Variants in SLC16A5 observed in about 807,000 individuals in gnomAD.
SLC16A5 encodes the protein monocarboxylate transporter 6.
In SLC16A5, 29 loss-of-function variants were observed where a neutral mutation model predicts 33.2. The observed-to-expected ratio is 0.87, with a 90% CI of 0.65 to 1.19. The LOEUF is 1.19. Ranked by LOEUF, SLC16A5 falls within the 50% of genes most tolerant of loss-of-function variation. The pLI is 0.00. For missense variants in SLC16A5, 606 were observed against 678.2 expected, an observed-to-expected ratio of 0.89 and a Z score of 1.18; for synonymous variants, 248 against 284.1, an observed-to-expected ratio of 0.87 and a Z score of 1.28.
chr17:75,097,937 C>G, intron 3 of SLC16A5, 101 bp from the exon 4 acceptor site: 1 of 1,400,868 alleles, frequency 7.1e-7, no homozygotes. Flanking sequence ...CCCTTGAAAC[C>G]ACCTGGCTAG....
In SLC16A5 at chr17:75,093,433, G is replaced by A. The variant is rs1339663266; in HGVS notation, c.-48-156G>A. ...AAAGGAGATGCCAAGGCCAACGCGTGGGCCTCTGGCCACCTCCCAGGGGTG... is the reference window on the plus strand; with the variant it reads ...AAAGGAGATGCCAAGGCCAACGCGTAGGCCTCTGGCCACCTCCCAGGGGTG... On this transcript the variant is annotated intron_variant, in intron 2 of 6. Coordinates refer to ENST00000329783, the MANE Select transcript of SLC16A5 (RefSeq NM_004695.4). 4 of 1,535,880 alleles carry A rather than the reference G, an allele frequency of 2.6e-6. No individual in the cohort carries two copies. In the East Asian group the frequency reaches 9.8e-5, roughly 38 times the overall value.
chr17:75,108,519 C>G (rs1428474349), downstream of SLC16A5, among the ~76,000 whole-genome samples: 1 of 152,150 alleles, frequency 6.6e-6, no homozygotes, highest in East Asian at 1.9e-4. Flanking sequence ...AGTGTGACGG[C>G]CACTCTGCCT....
Position 75,098,092 on chromosome 17 carries a change from T to C in SLC16A5, c.254T>C (p.Leu85Pro), listed in dbSNP as rs528355389. The C allele has an allele frequency of 6.2e-7, 1 of 1,609,720 alleles. No homozygotes were observed. The highest frequency in any genetic ancestry group is 1.3e-5 in the African/African-American group (1 of 74,700). The change falls in exon 4 of 7, where the codon CTG (leucine) becomes CCG (proline). Residue 85 changes from leucine to proline, a missense_variant. Transcript: ENST00000329783. ...TTCGGCTGCCGAGTGACCGTGATGC[T>C]GGGGGGCGTGCTGGCCAGCCTGGGC... Reference protein sequence around the residue: ...GRFGCRVTVMLGGVLASLGMV... With the variant: ...GRFGCRVTVMPGGVLASLGMV...
chr17:75,105,834 G>C (rs1229760997), intron 6 of SLC16A5, 46 bp from the exon 7 acceptor site: 1 of 1,512,848 alleles, frequency 6.6e-7, no homozygotes, highest in African/African-American at 1.4e-5. Context: ...GGCTCAACCA[G>C]GCTCCGCAAG....
intron 3 of SLC16A5, 149 bp downstream of exon 3, chr17:75,093,984 C>A: frequency 8.1e-7 from 1 of 1,238,812 alleles, no homozygotes; most frequent in Non-Finnish European, 1.1e-6. Context: ...CACCAGGGGC[C>A]CCTGGCTGGA....
rs950819477 is a variant in SLC16A5, at chr17:75,093,720, G to A, written c.84G>A (p.Leu28=). Residue 28 remains leucine, a synonymous_variant, in exon 3 of 7, where the codon CTG becomes CTA. Coordinates refer to ENST00000329783, the MANE Select transcript of SLC16A5 (RefSeq NM_004695.4). ...LATMVTQGLT[L]GFPTCIGIFF... ...CCATGGTGACCCAGGGCCTCACCCT[G>A]GGCTTCCCCACGTGTATCGGCATCT... 17 of 1,614,048 alleles carry A rather than the reference G, an allele frequency of 1.1e-5. No homozygotes were observed. The highest frequency in any genetic ancestry group is 1.4e-5 in the Non-Finnish European group (17 of 1,180,022).
upstream of SLC16A5, chr17:75,087,599 C>A (rs896124308): frequency 6.6e-6 from 1 of 152,272 alleles, no homozygotes; most frequent in Non-Finnish European, 1.5e-5. Context: ...AGGGAAAACG[C>A]AGAAAGAAGG....
At chr17:75,099,314 A>T (rs966274636) in intron 4 of SLC16A5, among the ~76,000 whole-genome samples, 2 of 152,154 alleles carry the variant, frequency 1.3e-5, no homozygotes, top group African/African-American at 4.8e-5. Context: ...CTGGAGCCGG[A>T]CCACAGAGAG....
Position 75,100,271 on chromosome 17 carries a change from G to GTCCCC in SLC16A5, c.609_613dup (p.Pro205LeufsTer43). 6.2e-7 allele frequency: 1 copy of GTCCCC among 1,614,196 alleles called. No homozygotes were observed. The highest frequency in any genetic ancestry group is 8.5e-7 in the Non-Finnish European group (1 of 1,180,028). ...AGTGTGGCCCCTGAGACCAAAGAATGTCCCCCGCCACCTCCCGAGACACCT... is the reference window on the plus strand; with the variant it reads ...AGTGTGGCCCCTGAGACCAAAGAATGTCCCCTCCCCCGCCACCTCCCGAGACACCT... On this transcript the variant is annotated frameshift_variant, in exon 5 of 7. Coordinates refer to ENST00000329783, the MANE Select transcript of SLC16A5 (RefSeq NM_004695.4). LOFTEE classifies it high-confidence loss of function.
downstream of SLC16A5, among the ~76,000 whole-genome samples, chr17:75,106,316 G>T (rs4789142): frequency 0.88 from 133,237 of 151,912 alleles, 58,796 homozygotes; most frequent in African/African-American, 0.97. Context: ...TGCTTGCATG[G>T]ACTTTGCCAA....
chr17:75,104,954 T>A, intron 6 of SLC16A5: 8 of 985,426 alleles, frequency 8.1e-6, no homozygotes, highest in Non-Finnish European at 9.6e-6. Context: ...GATGCCTCTA[T>A]CATTTCTCTT....
At chr17:75,108,490 T>A (rs961432792), downstream of SLC16A5, among the ~76,000 whole-genome samples, 2 of 152,128 alleles carry the variant, frequency 1.3e-5, no homozygotes, top group South Asian at 4.1e-4. Flanking sequence ...CTGCTTCCAA[T>A]GGGGCTGCAG....
downstream of SLC16A5, among the ~76,000 whole-genome samples, chr17:75,107,560 T>C (rs925243144): frequency 2.8e-4 from 42 of 151,838 alleles, no homozygotes; most frequent in Non-Finnish European, 2.9e-5. Flanking sequence ...ATCCCAGCAC[T>C]TTGGGAGGCT....
In SLC16A5 at chr17:75,100,152, G is replaced by A; in HGVS notation, c.489G>A (p.Leu163=). ...GGCCGCTGCTCTCCCGCTACCTTCT[G>A]GAGAACCTGGGCTGGAGGGGTACCT... The part of the protein sequence containing the change: ...TLWPLLSRYL[L]ENLGWRGTFL... Residue 163 remains leucine (L), a synonymous_variant, in exon 5 of 7, where the codon CTG becomes CTA. Coordinates refer to ENST00000329783, the MANE Select transcript of SLC16A5 (RefSeq NM_004695.4). 1 of 1,614,214 alleles carries A rather than the reference G, an allele frequency of 6.2e-7. No homozygotes were observed. The highest frequency in any genetic ancestry group is 8.5e-7 in the Non-Finnish European group (1 of 1,180,024).
chr17:75,104,298 C>T, intron 6 of SLC16A5, 118 bp downstream of exon 6: 3 of 1,502,258 alleles, frequency 2.0e-6, no homozygotes, highest in South Asian at 2.6e-5. Flanking sequence ...AGCTCCTTCA[C>T]CAGGGGCTTG....
At position 75,093,847 on chromosome 17, in the gene SLC16A5, AG is replaced by A; in HGVS notation, c.199+15del. On this transcript the variant is annotated intron_variant, in intron 3 of 6. Transcript: ENST00000329783. The stretch of plus-strand genomic sequence containing the variant: ...GCTCCACATGGCAGGTGAGCGGCCT[AG>A]GGAGGGGCCGATGAGAAAGTCCTAG... The A allele has an allele frequency of 6.2e-7, 1 of 1,611,018 alleles. No individual in the cohort carries two copies. Among genetic ancestry groups the A allele is most frequent in the Non-Finnish European group, 8.5e-7 (1 of 1,177,872 alleles).
At chr17:75,107,305 A>G (rs1030301830), downstream of SLC16A5, among the ~76,000 whole-genome samples, 3 of 143,460 alleles carry the variant, frequency 2.1e-5, no homozygotes, top group Non-Finnish European at 3.2e-5. Flanking sequence ...CCCCTTCCCA[A>G]AAAAAAAAAA....
chr17:75,102,157 A>T (rs1474138471), intron 5 of SLC16A5, among the ~76,000 whole-genome samples: 1 of 152,108 alleles, frequency 6.6e-6, no homozygotes, highest in Non-Finnish European at 1.5e-5. Flanking sequence ...CTAATCATTT[A>T]TTCACCTCTG....
Position 75,101,661 on chromosome 17 carries a change from G to T in SLC16A5, c.1153+845G>T, listed in dbSNP as rs199762329. Among the ~76,000 whole-genome samples, 236 of 150,922 alleles carry T rather than the reference G, an allele frequency of 1.6e-3. 1 individual carries two copies. Among genetic ancestry groups the T allele is most frequent in the East Asian group, 1.2e-3 (6 of 5,112 alleles). On this transcript the variant is annotated intron_variant, in intron 5 of 6. Coordinates refer to ENST00000329783, the MANE Select transcript of SLC16A5 (RefSeq NM_004695.4). ...CCTTTTTCCTTTTTGTTGAGACAAG[G>T]TCTTGCTCTGTCACCCAGGCTGGAG...
Sources: allele counts gnomAD v4.1 joint callset (sites outside exome capture counted in the v4.1 genomes callset), GRCh38; gene constraint gnomAD v4.1.1; transcripts MANE v1.5; gene names NCBI Gene and HGNC (gene_info 2026-07-23, HGNC 2026-07-21).